The following SLC17A6 variants were observed in gnomAD, a reference collection of about 807,000 sequenced individuals.
SLC17A6 encodes the protein vesicular glutamate transporter 2.
Under a neutral mutation model 67.1 loss-of-function variants are expected in SLC17A6, and 35 were observed. The observed-to-expected ratio is 0.52, with a 90% confidence interval of 0.40 to 0.69. The LOEUF (loss-of-function observed/expected upper bound fraction) is 0.69. SLC17A6 is among the 30% of genes least tolerant of loss of function. The probability of loss-of-function intolerance (pLI) is 0.00; values close to 1 mark genes in which losing one functional copy is unlikely to be tolerated. For missense variants in SLC17A6, 588 were observed against 723.9 expected, an observed-to-expected ratio of 0.81 and a Z score of 2.15; for synonymous variants, 285 against 252.3, an observed-to-expected ratio of 1.13 and a Z score of -1.23.
chr11:22,367,273 T>G (rs1420014860), intron 7 of SLC17A6, among the ~76,000 whole-genome samples: 1 of 151,304 alleles, frequency 6.6e-6, no homozygotes, highest in African/African-American at 2.4e-5. Context: ...TGACATCTCA[T>G]CATAGGTTAA....
At chr11:22,361,026 T>G (rs1276506751) in intron 5 of SLC17A6, 42 bp downstream of exon 5, 1 of 1,546,744 alleles carries the variant, frequency 6.5e-7, no homozygotes, top group Non-Finnish European at 8.9e-7. Context: ...GCTAAAAGTT[T>G]AGGAACAACT....
At chr11:22,343,874 C>A (rs1236094530) in intron 3 of SLC17A6, among the ~76,000 whole-genome samples, 2 of 152,112 alleles carry the variant, frequency 1.3e-5, no homozygotes, top group African/African-American at 2.4e-5. Context: ...GGGCAGGCAC[C>A]AGCGATGCGA....
chr11:22,338,920 T>G (rs1392045902), intron 1 of SLC17A6, among the ~76,000 whole-genome samples: 2 of 150,684 alleles, frequency 1.3e-5, no homozygotes, highest in Admixed American at 6.6e-5. Flanking sequence ...TCTTTACAGT[T>G]AAGAAATGGC....
At position 22,374,806 on chromosome 11, in the gene SLC17A6, A is replaced by G. The variant is rs751219623; in HGVS notation, c.1093A>G (p.Ile365Val). The change falls in exon 9 of 12, where the codon ATT becomes GTT. Residue 365 changes from isoleucine to valine, a missense_variant. Ile to Val is a conservative substitution (Grantham distance 29). Around this residue, in one of 4 missense-constraint regions of SLC17A6, gnomAD observed 414 missense variants for 563.4 expected, o/e 0.73. Coordinates refer to ENST00000263160, the MANE Select transcript of SLC17A6 (RefSeq NM_020346.3). ...PHLVMTIIVP[I>V]GGQIADFLRS... ...CTTAGTAATGACAATTATTGTGCCT[A>G]TTGGGGGACAAATTGCAGATTTTCT... The G allele has an allele frequency of 1.2e-6, 2 of 1,613,542 alleles. No individual in the cohort carries two copies. Among genetic ancestry groups the G allele is most frequent in the Non-Finnish European group, 1.7e-6 (2 of 1,179,802 alleles).
Position 22,338,476 on chromosome 11 carries a change from G to T in SLC17A6, c.-58G>T. ...GATTAAGACAATATGCGCAATCCTCGCCTTTCCTAGCAATCACTATTTAAA... is the reference window on the plus strand; with the variant it reads ...GATTAAGACAATATGCGCAATCCTCTCCTTTCCTAGCAATCACTATTTAAA... On this transcript the variant is annotated 5_prime_UTR_variant, in exon 1 of 12. Transcript: ENST00000263160. The T allele has an allele frequency of 8.0e-7, 1 of 1,256,714 alleles. No homozygotes were observed. Among genetic ancestry groups the T allele is most frequent in the Non-Finnish European group, 1.2e-6 (1 of 860,478 alleles). The allele number at this position is 1,256,714 out of a possible 1,614,324, so 77.8% of individuals were successfully genotyped here.
At position 22,378,489 on chromosome 11, in the gene SLC17A6, A is replaced by G. The variant is rs1046321013; in HGVS notation, c.*749A>G. 6.6e-6 allele frequency: 1 copy of G among 152,554 alleles called. No individual in the cohort carries two copies. Among genetic ancestry groups the G allele is most frequent in the African/African-American group, 2.4e-5 (1 of 41,456 alleles). 9.5% of individuals were successfully genotyped at this position (152,554 alleles called of 1,614,324 possible). ...TAGCGTATCACATAACTTTTTTGCA[A>G]AAAATATAAAAAGAAATAAACTTCA... On this transcript the variant is annotated 3_prime_UTR_variant, in exon 12 of 12. Coordinates refer to ENST00000263160, the MANE Select transcript of SLC17A6 (RefSeq NM_020346.3).
At chr11:22,342,952 C>A (rs765659711) in intron 2 of SLC17A6, 26 of 515,114 alleles carry the variant, frequency 5.0e-5, no homozygotes, top group Non-Finnish European at 8.6e-5. Flanking sequence ...ATTTCCAAGA[C>A]GGGGGCCCTC....
At position 22,341,932 on chromosome 11, in the gene SLC17A6, C is replaced by T. The variant is rs539622722; in HGVS notation, c.339+152C>T. ...CTGGCTCTGCCGTTCTAGAATGGAC[C>T]CCAGTAGTGTTATCAGTTCCCTTTT... On this transcript the variant is annotated intron_variant, in intron 2 of 11. Transcript: ENST00000263160. 14 of 1,169,208 alleles carry T rather than the reference C, an allele frequency of 1.2e-5. No individual in the cohort carries two copies. In the South Asian group the frequency reaches 1.8e-4, roughly 15 times the overall value. The allele number at this position is 1,169,208 out of a possible 1,614,324, so 72.4% of individuals were successfully genotyped here.
intron 9 of SLC17A6, among the ~76,000 whole-genome samples, chr11:22,375,301 G>A (rs1004556390): frequency 1.3e-5 from 2 of 149,612 alleles, no homozygotes; most frequent in Non-Finnish European, 3.0e-5. Flanking sequence ...GAACCTTGGA[G>A]GCAGAGGTTG....
intron 9 of SLC17A6, 80 bp downstream of exon 9, chr11:22,374,967 A>C: frequency 7.6e-7 from 1 of 1,319,934 alleles, no homozygotes; most frequent in East Asian, 2.6e-5. Flanking sequence ...TTTTCTACAC[A>C]TATCAAATTA....
intron 4 of SLC17A6, 77 bp from the exon 5 acceptor site, chr11:22,360,820 G>A: frequency 8.1e-7 from 1 of 1,228,036 alleles, no homozygotes; most frequent in Admixed American, 1.8e-5. Context: ...CTGAAGGGCA[G>A]GGAGGATTTG....
At chr11:22,343,393 G>C (rs2278750) in intron 3 of SLC17A6, 28 bp downstream of exon 3, 148,038 of 1,571,186 alleles carry the variant, frequency 0.094, 12,142 homozygotes, top group East Asian at 0.45. Context: ...ACTGGGGCTC[G>C]GGGCGTGGTG....
Position 22,362,768 on chromosome 11 carries a change from C to T in SLC17A6, c.691C>T (p.Pro231Ser). 1.2e-6 allele frequency: 2 copies of T among 1,613,790 alleles called. No individual in the cohort carries two copies. Among genetic ancestry groups the T allele is most frequent in the Non-Finnish European group, 8.5e-7 (1 of 1,179,736 alleles). ...CTATGCCGGAGCTGTGATTGCAATGCCTTTAGCTGGCATTCTTGTGCAGTA... is the reference window on the plus strand; with the variant it reads ...CTATGCCGGAGCTGTGATTGCAATGTCTTTAGCTGGCATTCTTGTGCAGTA... ...GSYAGAVIAM[P>S]LAGILVQYTG... The change falls in exon 6 of 12, where the codon CCT (proline) becomes TCT (serine). Residue 231 changes from proline (P) to serine (S), a missense_variant. Pro to Ser is a moderately conservative substitution (Grantham distance 74). Coordinates refer to ENST00000263160, the MANE Select transcript of SLC17A6 (RefSeq NM_020346.3).
At chr11:22,353,833 C>A (rs1314609516) in intron 3 of SLC17A6, among the ~76,000 whole-genome samples, 1 of 152,100 alleles carries the variant, frequency 6.6e-6, no homozygotes, top group Non-Finnish European at 1.5e-5. Flanking sequence ...GGGTCTTCAC[C>A]CCATATCTGC....
intron 1 of SLC17A6, among the ~76,000 whole-genome samples, chr11:22,339,833 C>G (rs1371221947): frequency 1.3e-5 from 2 of 151,974 alleles, no homozygotes; most frequent in Admixed American, 1.3e-4. Context: ...AAGGGATGTT[C>G]TTTCCCAGTA....
At chr11:22,352,880 A>G (rs1436521667) in intron 3 of SLC17A6, among the ~76,000 whole-genome samples, 1 of 152,212 alleles carries the variant, frequency 6.6e-6, no homozygotes, top group African/African-American at 2.4e-5. Flanking sequence ...TAGATGGACT[A>G]TTGAGGCACA....
At chr11:22,361,038 G>A in intron 5 of SLC17A6, 54 bp downstream of exon 5, 1 of 1,500,010 alleles carries the variant, frequency 6.7e-7, no homozygotes, top group East Asian at 2.3e-5. Context: ...GGAACAACTT[G>A]AATAAGAATT....
chr11:22,339,143 TTATATATAGTTA>T lies in SLC17A6; in HGVS notation c.86+533_86+544del, dbSNP rs1257076451. Among the ~76,000 whole-genome samples the T allele has an allele frequency of 0.011, 73 of 6,892 alleles. 6 individuals carry two copies. In the East Asian group the frequency reaches 0.31, roughly 29 times the overall value. 4.5% of individuals were successfully genotyped at this position (6,892 alleles called of 152,430 possible). On this transcript the variant is annotated intron_variant, in intron 1 of 11. Coordinates refer to ENST00000263160, the MANE Select transcript of SLC17A6 (RefSeq NM_020346.3). ...TATATATATATGTTATATATATATGTTATATATAGTTATATATATATGTTATATATATATGTT... is the reference window on the plus strand; with the variant it reads ...TATATATATATGTTATATATATATGTTATATATATGTTATATATATATGTT...
chr11:22,346,463 C>A (rs1855876853), intron 3 of SLC17A6, among the ~76,000 whole-genome samples: 1 of 152,102 alleles, frequency 6.6e-6, no homozygotes, highest in Non-Finnish European at 1.5e-5. Context: ...GGAGTAAACC[C>A]AGTCTCAGAG....
Sources: gnomAD v4.1 joint callset for allele counts (sites outside exome capture counted in the v4.1 genomes callset) on GRCh38, gnomAD v4.1.1 for gene constraint, gnomAD v4.1.1 regional missense constraint, MANE v1.5 for transcripts, NCBI Gene and HGNC (gene_info 2026-07-23, HGNC 2026-07-21) for gene names.